Variants in SGCD observed in about 807,000 individuals in gnomAD.
SGCD encodes the protein sarcoglycan delta.
SGCD carries 18 observed loss-of-function variants against 36.6 expected under a neutral mutation model. The ratio of observed to expected loss-of-function variants is 0.49; its 90% CI spans 0.34 to 0.73. SGCD has a LOEUF of 0.73. Ranked by LOEUF, SGCD falls within the 30% of genes least tolerant of loss-of-function variation. SGCD has a pLI of 0.01. For synonymous variants in SGCD, 133 were observed against 130.6 expected, an observed-to-expected ratio of 1.02 and a Z score of -0.12; for missense variants, 387 against 346.7, an observed-to-expected ratio of 1.12 and a Z score of -0.92.
chr5:156,757,311 TTATAC>T (rs1757377131), intron 7 of SGCD, among the ~76,000 whole-genome samples: 1 of 131,084 alleles, frequency 7.6e-6, no homozygotes, highest in South Asian at 2.7e-4. Context: ...GTTTGATTAA[TTATAC>T]CAATAAAACA....
At chr5:155,799,396 A>AT in the SGCD span, among the ~76,000 whole-genome samples, 3,145 of 124,750 alleles carry the variant, frequency 0.025, 63 homozygotes, top group African/African-American at 0.066. Flanking sequence ...CAATGACTTT[A>AT]TTTTTTTTTT....
chr5:156,612,893 A>G (rs1761880899), intron 6 of SGCD, among the ~76,000 whole-genome samples: 1 of 152,194 alleles, frequency 6.6e-6, no homozygotes, highest in African/African-American at 2.4e-5. Context: ...AACTCCCCAA[A>G]TTGCATTCGG....
intron 1 of SGCD, among the ~76,000 whole-genome samples, chr5:156,062,068 G>A (rs1343712385): frequency 1.2e-5 from 1 of 83,812 alleles, no homozygotes; most frequent in Non-Finnish European, 2.2e-5. Context: ...ATCTCCCAAT[G>A]CTATCCCTCC....
the SGCD span, among the ~76,000 whole-genome samples, chr5:155,791,356 C>T: frequency 6.6e-6 from 1 of 152,052 alleles, no homozygotes; most frequent in East Asian, 1.9e-4. Flanking sequence ...TGAAACAAAA[C>T]AAGGATGCTT....
intron 7 of SGCD, among the ~76,000 whole-genome samples, chr5:156,678,486 T>A (rs1753598691): frequency 6.6e-6 from 1 of 152,174 alleles, no homozygotes; most frequent in Admixed American, 6.5e-5. Flanking sequence ...CATAAGTGTA[T>A]GAAAAGTACA....
intron 3 of SGCD, among the ~76,000 whole-genome samples, chr5:156,277,377 C>T (rs531602421): frequency 6.6e-6 from 1 of 152,216 alleles, no homozygotes; most frequent in South Asian, 2.1e-4. Context: ...TATTCTGGAG[C>T]TTGAAGTTTT....
At chr5:155,953,787 C>A (rs1429443534) in intron 1 of SGCD, among the ~76,000 whole-genome samples, 1 of 152,166 alleles carries the variant, frequency 6.6e-6, no homozygotes, top group Non-Finnish European at 1.5e-5. Context: ...TCTTGTATTT[C>A]CTCCAACAAA....
chr5:156,166,331 T>G (rs114348264), intron 3 of SGCD, among the ~76,000 whole-genome samples: 2,581 of 152,218 alleles, frequency 0.017, 78 homozygotes, highest in African/African-American at 0.059. Flanking sequence ...CTTTTTTTTT[T>G]ATTGAGATGG....
chr5:155,740,953 C>T, the SGCD span, among the ~76,000 whole-genome samples: 1 of 152,160 alleles, frequency 6.6e-6, no homozygotes, highest in African/African-American at 2.4e-5. Flanking sequence ...AGAACATGTG[C>T]CCAAAGTGGT....
chr5:156,276,646 A>T (rs1766324690), intron 3 of SGCD, among the ~76,000 whole-genome samples: 1 of 152,190 alleles, frequency 6.6e-6, no homozygotes, highest in Non-Finnish European at 1.5e-5. Context: ...CATTCAACAC[A>T]TATTTATTAT....
intron 7 of SGCD, among the ~76,000 whole-genome samples, chr5:156,673,679 C>T (rs761476541): frequency 1.3e-5 from 2 of 152,178 alleles, no homozygotes; most frequent in Non-Finnish European, 2.9e-5. Context: ...ATATCCCTAA[C>T]CTTGAATAGA....
chr5:156,250,222 T>C (rs1231988872), intron 3 of SGCD, among the ~76,000 whole-genome samples: 1 of 152,236 alleles, frequency 6.6e-6, no homozygotes, highest in Non-Finnish European at 1.5e-5. Context: ...CATTGAAAAC[T>C]ACCTCTGTTA....
chr5:156,222,992 A>G (rs1266485206), intron 3 of SGCD, among the ~76,000 whole-genome samples: 2 of 152,044 alleles, frequency 1.3e-5, no homozygotes, highest in Admixed American at 6.6e-5. Flanking sequence ...ACCTCCCCCT[A>G]CCCACCCAAC....
chr5:156,229,338 TCTGA>T (rs1422891456), intron 3 of SGCD, among the ~76,000 whole-genome samples: 4 of 126,254 alleles, frequency 3.2e-5, no homozygotes, highest in Non-Finnish European at 5.0e-5. Flanking sequence ...TCTAGAGAAC[TCTGA>T]CTAATTCAGG....
chr5:155,881,210 A>G (rs1755876218), intron 1 of SGCD, among the ~76,000 whole-genome samples: 2 of 152,182 alleles, frequency 1.3e-5, no homozygotes, highest in South Asian at 2.1e-4. Flanking sequence ...TTAAAGATAT[A>G]AGAAATAAAA....
chr5:156,429,265 C>CTTTTTTTTTTTTTTTT (rs3074973), intron 3 of SGCD, among the ~76,000 whole-genome samples: 4 of 123,782 alleles, frequency 3.2e-5, no homozygotes, highest in Admixed American at 8.2e-5. Flanking sequence ...CCCTCATTGT[C>CTTTTTTTTTTTTTTTT]TTTTTTTTTT....
intron 3 of SGCD, among the ~76,000 whole-genome samples, chr5:156,350,469 T>C (rs759566394): frequency 2.3e-4 from 35 of 152,096 alleles, no homozygotes; most frequent in Admixed American, 7.9e-4. Context: ...AATTTTACTT[T>C]TTTTGTCAGT....
At chr5:155,868,205 T>A (rs1455558984), upstream of SGCD, among the ~76,000 whole-genome samples, 1 of 151,778 alleles carries the variant, frequency 6.6e-6, no homozygotes, top group Admixed American at 6.6e-5. Flanking sequence ...GCATGTACCA[T>A]CATGCCTGGC....
At chr5:156,657,141 G>T (rs1337826530) in intron 7 of SGCD, among the ~76,000 whole-genome samples, 1 of 151,664 alleles carries the variant, frequency 6.6e-6, no homozygotes, top group East Asian at 1.9e-4. Flanking sequence ...AGCCTTAGGG[G>T]TGAATTAATT....
Sources: gnomAD v4.1 joint callset for allele counts (sites outside exome capture counted in the v4.1 genomes callset) on GRCh38, gnomAD v4.1.1 for gene constraint, MANE v1.5 for transcripts, NCBI Gene and HGNC (gene_info 2026-07-23, HGNC 2026-07-21) for gene names.